Variants in KAZN observed in about 807,000 individuals in gnomAD.
The protein encoded by KAZN is kazrin, periplakin interacting protein, also known as kazrin.
Under a neutral mutation model 87.4 loss-of-function variants are expected in KAZN, and 40 were observed. That is an observed-to-expected ratio of 0.46 (90% confidence interval 0.36 to 0.60). The LOEUF (loss-of-function observed/expected upper bound fraction) is 0.60, where lower values mean the gene tolerates loss of function less well. KAZN is among the 20% of genes least tolerant of loss of function. The pLI, the probability that KAZN is intolerant of heterozygous loss-of-function variation, is 0.00. For synonymous variants in KAZN, 466 were observed against 458.3 expected (o/e 1.02, Z -0.22); for missense variants, 898 against 1,073.9 (o/e 0.84, Z 2.29).
intron 2 of KAZN, among the ~76,000 whole-genome samples, chr1:14,310,145 T>C (rs1386958787): frequency 1.3e-5 from 2 of 151,898 alleles, no homozygotes; most frequent in Admixed American, 1.3e-4. Context: ...CACATGGCAG[T>C]GGGAAGAAGG....
chr1:14,730,718 A>C (rs1258695825), intron 1 of KAZN, among the ~76,000 whole-genome samples: 1 of 152,128 alleles, frequency 6.6e-6, no homozygotes, highest in Admixed American at 6.5e-5. Flanking sequence ...ACATTTTCCC[A>C]TGCAAGTGCC....
intron 1 of KAZN, among the ~76,000 whole-genome samples, chr1:14,657,034 A>G (rs971724280): frequency 6.8e-6 from 1 of 147,332 alleles, no homozygotes; most frequent in Non-Finnish European, 1.5e-5. Context: ...TTCAAAGCCC[A>G]TGGTTTTAGG....
chr1:14,337,007 T>C (rs1424144640), intron 2 of KAZN, among the ~76,000 whole-genome samples: 3 of 152,216 alleles, frequency 2.0e-5, no homozygotes, highest in African/African-American at 4.8e-5. Context: ...TACTTATCCA[T>C]GTAAAAATGC....
chr1:14,336,840 C>T (rs920860153), intron 2 of KAZN, among the ~76,000 whole-genome samples: 1 of 152,152 alleles, frequency 6.6e-6, no homozygotes, highest in African/African-American at 2.4e-5. Flanking sequence ...TAATCTGGTA[C>T]TATATTCTTA....
chr1:14,625,989 T>A (rs1679114241), intron 1 of KAZN, among the ~76,000 whole-genome samples: 1 of 152,242 alleles, frequency 6.6e-6, no homozygotes, highest in African/African-American at 2.4e-5. Context: ...ATTTGATATG[T>A]CGTGCAGATT....
chr1:14,467,336 A>AT (rs1278424295), intron 2 of KAZN, among the ~76,000 whole-genome samples: 1 of 150,710 alleles, frequency 6.6e-6, no homozygotes, highest in East Asian at 1.9e-4. Context: ...ATATTATAAA[A>AT]AAAAAACAAC....
intron 2 of KAZN, among the ~76,000 whole-genome samples, chr1:14,266,054 G>A (rs1437137491): frequency 2.6e-5 from 4 of 152,188 alleles, no homozygotes; most frequent in Admixed American, 2.0e-4. Context: ...ATTGCCTGAT[G>A]TCTGGCACTA....
chr1:14,819,893 AG>A (rs933575954), intron 1 of KAZN, among the ~76,000 whole-genome samples: 9 of 151,994 alleles, frequency 5.9e-5, no homozygotes, highest in African/African-American at 1.4e-4. Context: ...TATTTTTAGT[AG>A]AGACAGGGTT....
At chr1:14,711,307 G>A (rs1642473216) in intron 1 of KAZN, among the ~76,000 whole-genome samples, 1 of 148,288 alleles carries the variant, frequency 6.7e-6, no homozygotes, top group Non-Finnish European at 1.5e-5. Context: ...AGGAGTTCGA[G>A]ACCAACCTGG....
intron 2 of KAZN, among the ~76,000 whole-genome samples, chr1:14,495,370 G>A (rs1031687288): frequency 2.0e-5 from 3 of 152,120 alleles, no homozygotes; most frequent in Non-Finnish European, 4.4e-5. Context: ...CCACAGCATG[G>A]ATTAGGGCAG....
In KAZN at chr1:14,517,920, G is replaced by A. The variant is rs757526023; in HGVS notation, c.250-81063G>A. ...CTGTAAGTGTGTGCTCAGCCCCTGG[G>A]AACAATGAGAAGGAAATAGAGTACA... On this transcript the variant is annotated intron_variant, in intron 2 of 16. Transcript: ENST00000636203. 3.0e-4 allele frequency among the ~76,000 whole-genome samples: 46 copies of A among 152,274 alleles called. No individual in the cohort carries two copies. The Middle Eastern group carries it at 0.01, about 34-fold the overall frequency.
At chr1:14,444,992 G>A (rs962958293) in intron 2 of KAZN, among the ~76,000 whole-genome samples, 1 of 151,002 alleles carries the variant, frequency 6.6e-6, no homozygotes, top group Admixed American at 6.6e-5. Flanking sequence ...TTAAAATGAG[G>A]TCATTAGGGT....
chr1:14,588,571 C>G (rs1011995361), intron 2 of KAZN, among the ~76,000 whole-genome samples: 2 of 152,246 alleles, frequency 1.3e-5, no homozygotes, highest in Non-Finnish European at 2.9e-5. Context: ...CTGTGCCCCC[C>G]AGCAGGGCTC....
At chr1:14,496,694 A>G (rs16850389) in intron 2 of KAZN, among the ~76,000 whole-genome samples, 5,616 of 152,262 alleles carry the variant, frequency 0.037, 342 homozygotes, top group African/African-American at 0.13. Context: ...CAGCGACTCT[A>G]AGAATACTAC....
intron 2 of KAZN, among the ~76,000 whole-genome samples, chr1:14,194,453 AT>A (rs1646485258): frequency 6.6e-6 from 1 of 152,082 alleles, no homozygotes; most frequent in Admixed American, 6.5e-5. Flanking sequence ...GCTCTTTTGC[AT>A]GAGGCTTCTG....
intron 2 of KAZN, among the ~76,000 whole-genome samples, chr1:14,241,993 G>A (rs1272838799): frequency 6.6e-6 from 1 of 152,116 alleles, no homozygotes; most frequent in Non-Finnish European, 1.5e-5. Flanking sequence ...AGCCATGGGA[G>A]ATTTTTGCAC....
intron 1 of KAZN, among the ~76,000 whole-genome samples, chr1:14,722,620 T>G (rs189976093): frequency 6.6e-6 from 1 of 152,358 alleles, no homozygotes; most frequent in Non-Finnish European, 1.5e-5. Flanking sequence ...TTACTTTGTC[T>G]ATTACTTGGT....
At chr1:15,032,905 CG>C (rs1342855427) in intron 2 of KAZN, among the ~76,000 whole-genome samples, 1 of 151,260 alleles carries the variant, frequency 6.6e-6, no homozygotes, top group Non-Finnish European at 1.5e-5. Flanking sequence ...GCCGAAATCG[CG>C]GCACTGTACT....
intron 2 of KAZN, among the ~76,000 whole-genome samples, chr1:14,187,515 A>G (rs1646333654): frequency 6.6e-6 from 1 of 152,150 alleles, no homozygotes; most frequent in South Asian, 2.1e-4. Flanking sequence ...TTCCAAAATA[A>G]TACCCAATCC....
Sources: gnomAD v4.1 joint callset for allele counts (sites outside exome capture counted in the v4.1 genomes callset) on GRCh38, gnomAD v4.1.1 for gene constraint, MANE v1.5 for transcripts, NCBI Gene and HGNC (gene_info 2026-07-23, HGNC 2026-07-21) for gene names.